SYN3: variants seen among roughly 807,000 people sequenced by gnomAD.
SYN3 encodes the protein synapsin-3.
In SYN3, 35 loss-of-function variants were observed where a neutral mutation model predicts 65.8. The ratio of observed to expected loss-of-function variants is 0.53; its 90% confidence interval spans 0.41 to 0.70. SYN3 has a LOEUF of 0.70. Among genes scored for constraint, SYN3 ranks in the 30% least tolerant of loss-of-function variants. SYN3 has a pLI of 0.00. For missense variants in SYN3, 680 were observed against 749.0 expected (o/e 0.91, Z 1.08); for synonymous variants, 270 against 292.9 (o/e 0.92, Z 0.80).
chr22:32,991,781 C>T (rs1340591299), intron 2 of SYN3, among the ~76,000 whole-genome samples: 1 of 152,226 alleles, frequency 6.6e-6, no homozygotes, highest in Non-Finnish European at 1.5e-5. Context: ...GAAACCCACA[C>T]TCCTGTCCCT....
chr22:33,015,574 A>C (rs1238487930), intron 1 of SYN3: 1 of 157,130 alleles, frequency 6.4e-6, no homozygotes, highest in Admixed American at 6.5e-5. Context: ...TGTGTAAAAA[A>C]ATCCCTGAGC....
intron 6 of SYN3, among the ~76,000 whole-genome samples, chr22:32,735,978 A>T (rs1274728844): frequency 1.3e-5 from 2 of 152,174 alleles, no homozygotes; most frequent in Admixed American, 1.3e-4. Flanking sequence ...AGGAAGCTCT[A>T]TTTGGTGGGG....
rs551205463 is a variant in SYN3, at chr22:32,577,770, C to A, written c.774+18904G>T. Among the ~76,000 whole-genome samples, 25 of 152,302 alleles carry A rather than the reference C, an allele frequency of 1.6e-4. No homozygotes were observed. In the East Asian group the frequency reaches 4.6e-3, roughly 28 times the overall value. On this transcript the variant is annotated intron_variant, in intron 7 of 13. Coordinates refer to ENST00000358763, the MANE Select transcript of SYN3 (RefSeq NM_003490.4). The stretch of plus-strand genomic sequence containing the variant: ...GTTCCTTGACCTCCCTGTTCCTGCC[C>A]CAGGGCCTTCGTCTGTGCTGTTCCT...
At chr22:32,671,724 CAG>C (rs2060371643) in intron 6 of SYN3, among the ~76,000 whole-genome samples, 1 of 150,024 alleles carries the variant, frequency 6.7e-6, no homozygotes, top group Non-Finnish European at 1.5e-5. Context: ...CATGCTCTCA[CAG>C]GTACACACAC....
chr22:32,734,465 C>A (rs2061311560), intron 6 of SYN3, among the ~76,000 whole-genome samples: 1 of 152,052 alleles, frequency 6.6e-6, no homozygotes, highest in Admixed American at 6.5e-5. Flanking sequence ...AGGTCTCTTC[C>A]CTGAGAACTT....
At chr22:32,698,694 T>C (rs1221961411) in intron 6 of SYN3, among the ~76,000 whole-genome samples, 1 of 152,212 alleles carries the variant, frequency 6.6e-6, no homozygotes, top group African/African-American at 2.4e-5. Context: ...TCCAGAATCA[T>C]TTTAGGTAGT....
intron 1 of SYN3, among the ~76,000 whole-genome samples, chr22:33,013,208 G>A (rs1037204632): frequency 3.9e-5 from 6 of 152,182 alleles, no homozygotes; most frequent in African/African-American, 1.4e-4. Flanking sequence ...CTACTCCAAT[G>A]TTAGTCAAAG....
chr22:32,732,313 T>C (rs1472696724), intron 6 of SYN3, among the ~76,000 whole-genome samples: 1 of 152,242 alleles, frequency 6.6e-6, no homozygotes, highest in African/African-American at 2.4e-5. Context: ...TAATCAGATC[T>C]ACTCAAGAAC....
At chr22:32,580,773 G>C (rs999658672) in intron 7 of SYN3, among the ~76,000 whole-genome samples, 1 of 152,222 alleles carries the variant, frequency 6.6e-6, no homozygotes, top group Non-Finnish European at 1.5e-5. Flanking sequence ...AGCTGACTGA[G>C]TAGCTTCAGC....
intron 6 of SYN3, among the ~76,000 whole-genome samples, chr22:32,788,818 T>A (rs370832429): frequency 1.4e-4 from 22 of 152,218 alleles, no homozygotes; most frequent in African/African-American, 4.8e-4. Flanking sequence ...TTGCCACTAG[T>A]CATTACGGAC....
At chr22:33,029,413 C>T (rs1228417298) in intron 1 of SYN3, among the ~76,000 whole-genome samples, 1 of 152,014 alleles carries the variant, frequency 6.6e-6, no homozygotes, top group African/African-American at 2.4e-5. Flanking sequence ...GAACTCCTGG[C>T]CTCAAGAAAT....
intron 13 of SYN3, among the ~76,000 whole-genome samples, chr22:32,517,131 G>A (rs1283805540): frequency 1.3e-5 from 2 of 152,212 alleles, no homozygotes; most frequent in African/African-American, 4.8e-5. Context: ...GCCCTTTTGA[G>A]ATGTGACTTC....
At chr22:32,968,379 C>A (rs188021879) in intron 3 of SYN3, among the ~76,000 whole-genome samples, 238 of 152,306 alleles carry the variant, frequency 1.6e-3, no homozygotes, top group Non-Finnish European at 2.3e-3. Context: ...CTCAAGCCAC[C>A]ATTCCTATCC....
chr22:32,815,773 A>T (rs1352374713), intron 6 of SYN3, among the ~76,000 whole-genome samples: 1 of 152,180 alleles, frequency 6.6e-6, no homozygotes, highest in Admixed American at 6.5e-5. Context: ...GTATGTACCT[A>T]CATAGTGAAG....
chr22:32,971,356 C>T (rs917635120), intron 3 of SYN3, among the ~76,000 whole-genome samples: 6 of 152,132 alleles, frequency 3.9e-5, no homozygotes, highest in South Asian at 2.1e-4. Context: ...GAGACCTGCA[C>T]GCTTTTAAAA....
chr22:32,803,058 T>A (rs2145937095), intron 6 of SYN3, among the ~76,000 whole-genome samples: 1 of 152,024 alleles, frequency 6.6e-6, no homozygotes, highest in East Asian at 1.9e-4. Flanking sequence ...GACACTTGTG[T>A]TTGGATGGCT....
chr22:32,960,596 G>A (rs992939913), intron 3 of SYN3, among the ~76,000 whole-genome samples: 1 of 152,120 alleles, frequency 6.6e-6, no homozygotes, highest in Non-Finnish European at 1.5e-5. Context: ...GTGACTGCGC[G>A]TCTTGCATGC....
At chr22:32,779,874 A>T (rs1439177931) in intron 6 of SYN3, among the ~76,000 whole-genome samples, 1 of 152,056 alleles carries the variant, frequency 6.6e-6, no homozygotes, top group African/African-American at 2.4e-5. Flanking sequence ...CCCTGGGATA[A>T]CCTGGGCAGA....
chr22:32,819,086 C>T (rs948367820), intron 6 of SYN3, among the ~76,000 whole-genome samples: 4 of 152,252 alleles, frequency 2.6e-5, no homozygotes, highest in African/African-American at 9.6e-5. Context: ...GGATCTGCCA[C>T]TTGGCCAGGG....
Sources: gnomAD v4.1 joint callset for allele counts (sites outside exome capture counted in the v4.1 genomes callset) on GRCh38, gnomAD v4.1.1 for gene constraint, MANE v1.5 for transcripts, NCBI Gene and HGNC (gene_info 2026-07-23, HGNC 2026-07-21) for gene names.